UROS: variants seen among roughly 807,000 people sequenced by gnomAD.
UROS encodes the protein uroporphyrinogen III synthase.
UROS carries 18 observed loss-of-function variants against 33.0 expected under a neutral mutation model. The ratio of observed to expected loss-of-function variants is 0.55; its 90% CI spans 0.38 to 0.81. The LOEUF is 0.81. UROS is among the 30% of genes least tolerant of loss of function. The pLI, the probability that UROS is intolerant of heterozygous loss-of-function variation, is 0.00. For synonymous variants in UROS, 114 were observed against 121.1 expected (o/e 0.94, Z 0.38); for missense variants, 293 against 314.9 (o/e 0.93, Z 0.53).
rs906645315 is a variant in UROS at position 125,796,128 on chromosome 10, T to A, written c.536A>T (p.Asn179Ile). 1.2e-6 allele frequency: 2 copies of A among 1,614,162 alleles called. No homozygotes were observed. Among genetic ancestry groups the A allele is most frequent in the Admixed American group, 3.3e-5 (2 of 60,022 alleles). ...CTGCTGGGAATAGTAGCTGTTCAGG[T>A]TCCCTTGGATTCCTGGGTGTGCAAC... is the stretch of plus-strand genomic sequence containing the variant. ...QTVAHPGIQGNLNSYYSQQGV... is the reference protein window; with the variant it reads ...QTVAHPGIQGILNSYYSQQGV... Residue 179 changes from asparagine to isoleucine, a missense_variant, in exon 8 of 10, where the codon AAC becomes ATC. Physicochemically the swap from Asn to Ile is moderately radical, Grantham distance 149. Coordinates refer to ENST00000368797, the MANE Select transcript of UROS (RefSeq NM_000375.3).
intron 6 of UROS, among the ~76,000 whole-genome samples, chr10:125,801,173 G>A (rs868528524): frequency 6.6e-5 from 10 of 152,270 alleles, no homozygotes; most frequent in Middle Eastern, 6.8e-3. Context: ...GCTGATCGGA[G>A]GAATGGAAGA....
intron 5 of UROS, among the ~76,000 whole-genome samples, chr10:125,811,513 G>T (rs1159304445): frequency 6.6e-6 from 1 of 152,130 alleles, no homozygotes; most frequent in Non-Finnish European, 1.5e-5. Flanking sequence ...AATTAGCTTA[G>T]CAACTCCCAA....
intron 9 of UROS, chr10:125,789,437 C>T: frequency 9.7e-7 from 1 of 1,030,800 alleles, no homozygotes. Context: ...AAGGTCAGGG[C>T]TCTGTGGGCA....
rs569304893 is a variant in UROS at position 125,801,907 on chromosome 10, C to T, written c.395-3762G>A. On this transcript the variant is annotated intron_variant, in intron 6 of 9. Coordinates refer to ENST00000368797, the MANE Select transcript of UROS (RefSeq NM_000375.3). ...TCTAATGAACAACGACTCAGAGGTT[C>T]ACTTCTGTCTCCTTACAAACAAACT... 276 of 689,752 alleles carry T rather than the reference C, an allele frequency of 4.0e-4. No homozygotes were observed. The African/African-American group carries it at 5.2e-3, about 13-fold the overall frequency. 42.7% of individuals were successfully genotyped at this position (689,752 alleles called of 1,614,324 possible).
At chr10:125,800,205 G>A (rs962233456) in intron 6 of UROS, among the ~76,000 whole-genome samples, 4 of 152,202 alleles carry the variant, frequency 2.6e-5, no homozygotes, top group Non-Finnish European at 5.9e-5. Context: ...TCCCCGGTGA[G>A]ACCTCACCTT....
Position 125,807,263 on chromosome 10 carries a change from T to C in UROS, c.394+150A>G, listed in dbSNP as rs2027515. 541,718 of 714,674 alleles carry C rather than the reference T, an allele frequency of 0.76. 207,539 individuals carry two copies. The highest frequency in any genetic ancestry group is 0.79 in the Non-Finnish European group (324,694 of 410,200). 44.3% of individuals were successfully genotyped at this position (714,674 alleles called of 1,614,324 possible). On this transcript the variant is annotated intron_variant, in intron 6 of 9. Coordinates refer to ENST00000368797, the MANE Select transcript of UROS (RefSeq NM_000375.3). ...AAGTATAGACATACACAAATACAAATAGGCTATGCTCCCAGAGTGGGTTAT... is the reference window on the plus strand; with the variant it reads ...AAGTATAGACATACACAAATACAAACAGGCTATGCTCCCAGAGTGGGTTAT...
At chr10:125,796,033 C>T (rs954558957) in intron 8 of UROS, 70 bp downstream of exon 8, 18 of 1,357,980 alleles carry the variant, frequency 1.3e-5, no homozygotes, top group Non-Finnish European at 1.6e-5. Flanking sequence ...TCTATCAGCT[C>T]GTGCCCTTCA....
Position 125,788,757 on chromosome 10 carries a change from G to C in UROS, c.*111C>G, listed in dbSNP as rs1850711392. 2 of 1,467,192 alleles carry C rather than the reference G, an allele frequency of 1.4e-6. No individual in the cohort carries two copies. The highest frequency in any genetic ancestry group is 1.4e-5 in the African/African-American group (1 of 70,990). 90.9% of individuals were successfully genotyped at this position (1,467,192 alleles called of 1,614,324 possible). On this transcript the variant is annotated 3_prime_UTR_variant, in exon 10 of 10. Transcript: ENST00000368797. The stretch of plus-strand genomic sequence containing the variant: ...TCCTCAGGTGCTTCCACTCAGGCTT[G>C]AGGCAGGAGTCTGACGGCAGCAGCT...
intron 7 of UROS, among the ~76,000 whole-genome samples, chr10:125,797,486 C>A (rs1851461567): frequency 6.6e-6 from 1 of 152,196 alleles, no homozygotes; most frequent in Non-Finnish European, 1.5e-5. Flanking sequence ...AGCTGGTACT[C>A]CAAACCACTG....
chr10:125,789,065 C>T, intron 9 of UROS, 60 bp from the exon 10 acceptor site: 1 of 1,598,650 alleles, frequency 6.3e-7, no homozygotes, highest in Non-Finnish European at 8.5e-7. Context: ...GGGCAGCAGG[C>T]AGCTGGATGT....
chr10:125,821,344 G>C (rs890576704), intron 1 of UROS, among the ~76,000 whole-genome samples: 8 of 152,214 alleles, frequency 5.3e-5, no homozygotes, highest in Admixed American at 5.2e-4. Context: ...TACAGCATGG[G>C]ATAAACTTTG....
At chr10:125,818,063 C>G (rs1287007201) in intron 1 of UROS, among the ~76,000 whole-genome samples, 1 of 152,174 alleles carries the variant, frequency 6.6e-6, no homozygotes, top group Non-Finnish European at 1.5e-5. Context: ...TAATAAAGAG[C>G]TCCCTGAGAT....
intron 4 of UROS, among the ~76,000 whole-genome samples, chr10:125,813,247 T>C (rs1852974021): frequency 6.6e-6 from 1 of 152,196 alleles, no homozygotes; most frequent in South Asian, 2.1e-4. Context: ...GGTAAGTCAG[T>C]TAACGCACCT....
chr10:125,791,079 G>A (rs905968736), intron 9 of UROS, among the ~76,000 whole-genome samples: 22 of 136,530 alleles, frequency 1.6e-4, no homozygotes, highest in African/African-American at 2.8e-4. Context: ...GCAACAGAGC[G>A]AGACACCATC....
At chr10:125,794,522 A>G (rs549401988) in intron 9 of UROS, 120 of 351,168 alleles carry the variant, frequency 3.4e-4, no homozygotes, top group African/African-American at 2.5e-3. Flanking sequence ...GGCAAACATA[A>G]GATGGGGGAA....
intron 3 of UROS, among the ~76,000 whole-genome samples, chr10:125,815,729 G>A (rs80137805): frequency 0.016 from 2,420 of 152,286 alleles, 60 homozygotes; most frequent in African/African-American, 0.053. Flanking sequence ...GAAGTTGTGG[G>A]CAGAAGCCCT....
At chr10:125,812,443 C>T (rs1016695770) in intron 4 of UROS, among the ~76,000 whole-genome samples, 155 bp from the exon 5 acceptor site, 4 of 152,198 alleles carry the variant, frequency 2.6e-5, no homozygotes, top group African/African-American at 9.6e-5. Context: ...ATTCCATTTT[C>T]ACTTTGTTCA....
chr10:125,807,211 G>T, intron 6 of UROS: 1 of 603,284 alleles, frequency 1.7e-6, no homozygotes, highest in South Asian at 2.0e-5. Flanking sequence ...GGTACAGGGG[G>T]TAGAAGGAAG....
chr10:125,792,235 G>A (rs980499029), intron 9 of UROS: 3 of 152,182 alleles, frequency 2.0e-5, no homozygotes, highest in African/African-American at 7.2e-5. Flanking sequence ...CCTAGAGCAG[G>A]GGTATCAACA....
Sources: allele counts gnomAD v4.1 joint callset (sites outside exome capture counted in the v4.1 genomes callset), GRCh38; gene constraint gnomAD v4.1.1; transcripts MANE v1.5; gene names NCBI Gene and HGNC (gene_info 2026-07-23, HGNC 2026-07-21).